The following VIPR2 variants were observed in gnomAD, a reference collection of about 807,000 sequenced individuals.
VIPR2 encodes vasoactive intestinal polypeptide receptor 2.
Under a neutral mutation model 58.0 loss-of-function variants are expected in VIPR2, and 48 were observed. That is an observed-to-expected ratio of 0.83 (90% CI 0.66 to 1.05). The LOEUF is 1.05. VIPR2 is among the 50% of genes least tolerant of loss of function. The probability of loss-of-function intolerance (pLI) is 0.00; values close to 1 mark genes in which losing one functional copy is unlikely to be tolerated. For synonymous variants in VIPR2, 243 were observed against 235.2 expected, an observed-to-expected ratio of 1.03 and a Z score of -0.30; for missense variants, 534 against 558.0, an observed-to-expected ratio of 0.96 and a Z score of 0.43.
chr7:159,110,244 G>A (rs1254356376), intron 2 of VIPR2, among the ~76,000 whole-genome samples: 2 of 152,202 alleles, frequency 1.3e-5, no homozygotes, highest in African/African-American at 2.4e-5. Context: ...AGGCCCCGTC[G>A]GGGAGGGAGA....
intron 2 of VIPR2, 32 bp downstream of exon 2, chr7:159,142,414 G>A (rs762181664): frequency 1.6e-5 from 25 of 1,530,092 alleles, no homozygotes; most frequent in Admixed American, 6.7e-5. Flanking sequence ...AGAATGTCAC[G>A]GGAGTTCTTA....
rs1187807615 is a variant in VIPR2 at position 159,095,209 on chromosome 7, G to A, written c.357+8548C>T. 6.6e-6 allele frequency among the ~76,000 whole-genome samples: 1 copy of A among 152,234 alleles called. No homozygotes were observed. Among genetic ancestry groups the A allele is most frequent in the Non-Finnish European group, 1.5e-5 (1 of 68,044 alleles). Reference sequence around the variant, plus strand: ...GACAGCAAATCATATGACAGCATTAGTGAAAATGGGACATTTCCTAAATTT... The same window carrying A: ...GACAGCAAATCATATGACAGCATTAATGAAAATGGGACATTTCCTAAATTT... On this transcript the variant is annotated intron_variant, in intron 4 of 12. Coordinates refer to ENST00000262178, the MANE Select transcript of VIPR2 (RefSeq NM_003382.5). The surrounding 1 kb of genome is among the most constrained non-coding windows in gnomAD (Gnocchi z 5.2).
At chr7:159,094,899 A>G (rs1278464112) in intron 4 of VIPR2, among the ~76,000 whole-genome samples, 1 of 152,194 alleles carries the variant, frequency 6.6e-6, no homozygotes, top group African/African-American at 2.4e-5. Flanking sequence ...GTTTAGGATT[A>G]AAAAAGGCAA....
chr7:159,041,675 T>TC (rs1256534073), intron 6 of VIPR2, among the ~76,000 whole-genome samples: 200 of 121,692 alleles, frequency 1.6e-3, no homozygotes, highest in Middle Eastern at 7.6e-3. Flanking sequence ...TGAGGGTCTG[T>TC]AACGGGTCCT....
intron 4 of VIPR2, among the ~76,000 whole-genome samples, chr7:159,094,476 G>C (rs1857702563): frequency 6.6e-6 from 1 of 152,210 alleles, no homozygotes; most frequent in African/African-American, 2.4e-5. Context: ...GGAGGCCCAG[G>C]TCGTGGCCAC....
chr7:159,144,508 A>G, intron 1 of VIPR2: 6 of 1,526,918 alleles, frequency 3.9e-6, no homozygotes, highest in Non-Finnish European at 3.5e-6. Context: ...CAGCCTCCCA[A>G]CCCGAGTCCC....
intron 2 of VIPR2, among the ~76,000 whole-genome samples, chr7:159,134,912 C>A (rs1585566849): frequency 6.6e-6 from 1 of 151,758 alleles, no homozygotes; most frequent in East Asian, 1.9e-4. Flanking sequence ...CTGCCTCAGC[C>A]TCCCAAAGTG....
intron 10 of VIPR2, among the ~76,000 whole-genome samples, chr7:159,033,440 A>G (rs560522443): frequency 6.6e-6 from 1 of 152,118 alleles, no homozygotes; most frequent in Non-Finnish European, 1.5e-5. Flanking sequence ...CCACTTCCAC[A>G]CCAAGCCAGT....
chr7:159,036,160 C>T (rs1164351698), intron 7 of VIPR2, 148 bp from the exon 8 acceptor site: 11 of 1,003,238 alleles, frequency 1.1e-5, no homozygotes, highest in Non-Finnish European at 1.5e-5. Context: ...TAAATATTTA[C>T]AAGTTTATGC....
chr7:159,037,264 T>G (rs987712086), intron 6 of VIPR2, among the ~76,000 whole-genome samples: 2 of 152,202 alleles, frequency 1.3e-5, no homozygotes, highest in African/African-American at 4.8e-5. Flanking sequence ...TTCTCTGACC[T>G]GCTTCAACAC....
intron 1 of VIPR2, among the ~76,000 whole-genome samples, chr7:159,143,446 G>A (rs1797557774): frequency 6.6e-6 from 1 of 151,524 alleles, no homozygotes; most frequent in Admixed American, 6.6e-5. Flanking sequence ...GGCGTACTAT[G>A]GCCATCTATG....
At chr7:159,082,482 G>C (rs907446770) in intron 4 of VIPR2, among the ~76,000 whole-genome samples, 2 of 152,144 alleles carry the variant, frequency 1.3e-5, no homozygotes, top group East Asian at 3.9e-4. Flanking sequence ...GTGGGGTCGT[G>C]GGGGAGGGAT....
At chr7:159,112,509 C>T (rs1328073088) in intron 2 of VIPR2, among the ~76,000 whole-genome samples, 2 of 152,220 alleles carry the variant, frequency 1.3e-5, no homozygotes, top group African/African-American at 2.4e-5. Flanking sequence ...AGGGCAGCAC[C>T]AAGAGATGTC....
At chr7:159,042,224 G>A (rs540803784) in intron 6 of VIPR2, among the ~76,000 whole-genome samples, 1 of 152,252 alleles carries the variant, frequency 6.6e-6, no homozygotes, top group South Asian at 2.1e-4. Context: ...GGAGAGTCTG[G>A]AGCTCCTGGC....
chr7:159,064,452 G>C (rs912718084), intron 4 of VIPR2, among the ~76,000 whole-genome samples: 2 of 152,120 alleles, frequency 1.3e-5, no homozygotes, highest in African/African-American at 4.8e-5. Flanking sequence ...GTCCGGGTTC[G>C]TTGTGAGTGA....
intron 2 of VIPR2, among the ~76,000 whole-genome samples, chr7:159,119,760 A>G (rs1382850827): frequency 6.6e-6 from 1 of 152,232 alleles, no homozygotes; most frequent in Non-Finnish European, 1.5e-5. Flanking sequence ...AAGAGGGCCC[A>G]GCCTGGGAAG....
At position 159,131,877 on chromosome 7, in the gene VIPR2, A is replaced by G. The variant is rs1422934960; in HGVS notation, c.151+10569T>C. ...GCAGACATAAGCGACACTTAACCTG[A>G]GCCATTTCTTGTAAATTCCCATTTT... On this transcript the variant is annotated intron_variant, in intron 2 of 12. Transcript: ENST00000262178. Among the ~76,000 whole-genome samples the G allele has an allele frequency of 2.0e-5, 3 of 152,248 alleles. No individual in the cohort carries two copies. In the South Asian group the frequency reaches 6.2e-4, roughly 31 times the overall value.
In VIPR2 at chr7:159,076,772, C is replaced by T. The variant is rs775709540; in HGVS notation, c.358-18194G>A. ...AAATGTTTTTTAAGTTCATGTGACA[C>T]GGATAATCTTTGGTGAGTAAGAATA... On this transcript the variant is annotated intron_variant, in intron 4 of 12. Coordinates refer to ENST00000262178, the MANE Select transcript of VIPR2 (RefSeq NM_003382.5). Among the ~76,000 whole-genome samples the T allele has an allele frequency of 9.2e-5, 14 of 152,134 alleles. No individual in the cohort carries two copies. In the South Asian group the frequency reaches 1.2e-3, roughly 14 times the overall value.
At chr7:159,055,699 C>G (rs1287019021) in intron 5 of VIPR2, among the ~76,000 whole-genome samples, 1 of 152,118 alleles carries the variant, frequency 6.6e-6, no homozygotes, top group African/African-American at 2.4e-5. Context: ...TTCTCCTTCC[C>G]TCTCTCTTCC....
Sources: allele counts gnomAD v4.1 joint callset (sites outside exome capture counted in the v4.1 genomes callset), GRCh38; gene constraint gnomAD v4.1.1; non-coding constraint Gnocchi (gnomAD v3.1); transcripts MANE v1.5; gene names NCBI Gene and HGNC (gene_info 2026-07-23, HGNC 2026-07-21).